SKAP1: variants seen among roughly 807,000 people sequenced by gnomAD.
SKAP1 encodes the protein src kinase associated phosphoprotein 1, also known as src kinase-associated phosphoprotein 1.
Under a neutral mutation model 58.5 loss-of-function variants are expected in SKAP1, and 44 were observed. The observed-to-expected ratio is 0.75, with a 90% confidence interval of 0.59 to 0.97. The LOEUF (loss-of-function observed/expected upper bound fraction) is 0.97, where lower values mean the gene tolerates loss of function less well. Ranked by LOEUF, SKAP1 falls within the 50% of genes least tolerant of loss-of-function variation. SKAP1 has a pLI of 0.00. For synonymous variants in SKAP1, 127 were observed against 149.7 expected, an observed-to-expected ratio of 0.85 and a Z score of 1.11; for missense variants, 390 against 435.2, an observed-to-expected ratio of 0.90 and a Z score of 0.92.
At chr17:48,251,379 GTTAAA>G (rs1274797541) in intron 4 of SKAP1, among the ~76,000 whole-genome samples, 2 of 152,134 alleles carry the variant, frequency 1.3e-5, no homozygotes, top group Non-Finnish European at 2.9e-5. Context: ...TTTAAATCAA[GTTAAA>G]TTAAAGTGAA....
intron 10 of SKAP1, among the ~76,000 whole-genome samples, chr17:48,166,929 A>G (rs1186655810): frequency 6.6e-6 from 1 of 152,074 alleles, no homozygotes; most frequent in Non-Finnish European, 1.5e-5. Context: ...CAGTGGCACA[A>G]TCATAGCTCA....
At chr17:48,435,886 G>A in the SKAP1 span, among the ~76,000 whole-genome samples, 1 of 152,174 alleles carries the variant, frequency 6.6e-6, no homozygotes, top group African/African-American at 2.4e-5. Context: ...AGAACCACCA[G>A]CATTCTCAAA....
At chr17:48,289,695 C>T (rs559631772) in intron 4 of SKAP1, among the ~76,000 whole-genome samples, 12 of 151,940 alleles carry the variant, frequency 7.9e-5, no homozygotes, top group African/African-American at 2.9e-4. Flanking sequence ...AAATATTAGC[C>T]CTATTATGTT....
chr17:48,158,158 C>T (rs1466430227), intron 11 of SKAP1, among the ~76,000 whole-genome samples: 1 of 119,764 alleles, frequency 8.3e-6, no homozygotes, highest in Non-Finnish European at 1.6e-5. Flanking sequence ...GCCTGGGCAA[C>T]GAGAGCAAAA....
intron 11 of SKAP1, among the ~76,000 whole-genome samples, chr17:48,152,331 C>T (rs1357142149): frequency 6.6e-6 from 1 of 152,144 alleles, no homozygotes; most frequent in Non-Finnish European, 1.5e-5. Flanking sequence ...CTGAATCACG[C>T]AATACCAAGA....
chr17:48,243,252 T>C lies in SKAP1; in HGVS notation c.281-53752A>G, dbSNP rs147708490. 2.3e-4 allele frequency among the ~76,000 whole-genome samples: 35 copies of C among 152,272 alleles called. No homozygotes were observed. In the East Asian group the frequency reaches 4.4e-3, roughly 19 times the overall value. On this transcript the variant is annotated intron_variant, in intron 4 of 12. Coordinates refer to ENST00000336915, the MANE Select transcript of SKAP1 (RefSeq NM_003726.4). ...TGCTTGAGCAAGCCATCTCCCTCCC[T>C]GCCCTTTCAAATTCCCTGACTTCCC...
chr17:48,329,763 G>C (rs2066481464), intron 4 of SKAP1, among the ~76,000 whole-genome samples: 1 of 152,116 alleles, frequency 6.6e-6, no homozygotes, highest in Admixed American at 6.5e-5. Context: ...GTGAGGCAGT[G>C]TGGCATACTA....
chr17:48,357,953 C>CAA (rs1271447593), intron 3 of SKAP1, among the ~76,000 whole-genome samples: 2 of 152,106 alleles, frequency 1.3e-5, no homozygotes, highest in African/African-American at 4.8e-5. Context: ...GAGTCAAAGC[C>CAA]AAAGGCAGGA....
intron 10 of SKAP1, among the ~76,000 whole-genome samples, chr17:48,165,651 C>T (rs974265378): frequency 3.9e-5 from 6 of 152,084 alleles, no homozygotes; most frequent in African/African-American, 1.2e-4. Flanking sequence ...CCGCCCACCT[C>T]GGTCTCCTAA....
intron 4 of SKAP1, among the ~76,000 whole-genome samples, chr17:48,223,769 G>T (rs1410862324): frequency 6.6e-6 from 1 of 152,052 alleles, no homozygotes; most frequent in Non-Finnish European, 1.5e-5. Context: ...TATTCACTCA[G>T]AACTTTACTG....
chr17:48,175,170 T>G (rs762706311), intron 9 of SKAP1, among the ~76,000 whole-genome samples: 3 of 152,160 alleles, frequency 2.0e-5, no homozygotes, highest in Non-Finnish European at 4.4e-5. Context: ...CTGACACTCC[T>G]CTGACATTGG....
intron 4 of SKAP1, among the ~76,000 whole-genome samples, chr17:48,259,922 C>T (rs2065467041): frequency 6.6e-6 from 1 of 152,076 alleles, no homozygotes; most frequent in Non-Finnish European, 1.5e-5. Flanking sequence ...TGGCCCTTCT[C>T]AGTTGGAAAT....
intron 4 of SKAP1, among the ~76,000 whole-genome samples, chr17:48,228,690 T>C (rs890282008): frequency 6.6e-6 from 1 of 152,258 alleles, no homozygotes; most frequent in African/African-American, 2.4e-5. Flanking sequence ...TCCCATTTTA[T>C]GAATGAAGAA....
At chr17:48,192,434 A>G (rs926630907) in intron 4 of SKAP1, among the ~76,000 whole-genome samples, 2 of 152,154 alleles carry the variant, frequency 1.3e-5, no homozygotes, top group African/African-American at 4.8e-5. Flanking sequence ...TTTAAATGCC[A>G]TTTTATGGAA....
chr17:48,265,078 T>A (rs866670351), intron 4 of SKAP1, among the ~76,000 whole-genome samples: 14 of 152,252 alleles, frequency 9.2e-5, no homozygotes, highest in Middle Eastern at 3.4e-3. Context: ...AATATACACT[T>A]TTTATAGGAT....
At chr17:48,292,618 C>T (rs2065912497) in intron 4 of SKAP1, among the ~76,000 whole-genome samples, 1 of 152,154 alleles carries the variant, frequency 6.6e-6, no homozygotes, top group African/African-American at 2.4e-5. Context: ...TGTCAGAACA[C>T]CTCTCATATT....
chr17:48,298,372 T>C (rs2066009306), intron 4 of SKAP1, among the ~76,000 whole-genome samples: 1 of 152,224 alleles, frequency 6.6e-6, no homozygotes, highest in Non-Finnish European at 1.5e-5. Flanking sequence ...TCTGATTGAC[T>C]ATGTGGAAGG....
At chr17:48,163,755 C>T (rs1357333372) in intron 10 of SKAP1, among the ~76,000 whole-genome samples, 6 of 152,092 alleles carry the variant, frequency 3.9e-5, no homozygotes, top group African/African-American at 1.4e-4. Context: ...AGACACCCTC[C>T]CTATATTTGC....
At chr17:48,410,621 G>C (rs995790834) in intron 1 of SKAP1, among the ~76,000 whole-genome samples, 3 of 151,890 alleles carry the variant, frequency 2.0e-5, no homozygotes, top group Non-Finnish European at 4.4e-5. Flanking sequence ...GACACTGATG[G>C]GACATGTCAA....
Sources: allele counts gnomAD v4.1 joint callset (sites outside exome capture counted in the v4.1 genomes callset), GRCh38; gene constraint gnomAD v4.1.1; transcripts MANE v1.5; gene names NCBI Gene and HGNC (gene_info 2026-07-23, HGNC 2026-07-21).